Variants in NDST3 observed in about 807,000 individuals in gnomAD.
The protein encoded by NDST3 is bifunctional heparan sulfate N-deacetylase/N-sulfotransferase 3.
Under a neutral mutation model 96.1 loss-of-function variants are expected in NDST3, and 58 were observed. The ratio of observed to expected loss-of-function variants is 0.60; its 90% CI spans 0.49 to 0.75. The LOEUF (loss-of-function observed/expected upper bound fraction) is 0.75, where lower values mean the gene tolerates loss of function less well. Ranked by LOEUF, NDST3 falls within the 30% of genes least tolerant of loss-of-function variation. The pLI is 0.00. For synonymous variants in NDST3, 333 were observed against 359.7 expected, an observed-to-expected ratio of 0.93 and a Z score of 0.84; for missense variants, 788 against 1,034.2, an observed-to-expected ratio of 0.76 and a Z score of 3.27.
At chr4:118,190,215 G>C (rs1404664183) in intron 6 of NDST3, among the ~76,000 whole-genome samples, 1 of 151,784 alleles carries the variant, frequency 6.6e-6, no homozygotes, top group East Asian at 1.9e-4. Flanking sequence ...ATTTTGAACT[G>C]TTTTATATCA....
chr4:118,173,725 T>C (rs1463374452), intron 6 of NDST3, among the ~76,000 whole-genome samples: 1 of 152,194 alleles, frequency 6.6e-6, no homozygotes, highest in African/African-American at 2.4e-5. Flanking sequence ...GTATACAGTA[T>C]GTATATGTAT....
intron 6 of NDST3, among the ~76,000 whole-genome samples, chr4:118,166,108 GA>G (rs912103343): frequency 4.0e-5 from 6 of 151,522 alleles, no homozygotes; most frequent in African/African-American, 9.7e-5. Context: ...AAAAATAAGA[GA>G]AAAAATCAAT....
rs755061732 is a variant in NDST3 at position 118,206,579 on chromosome 4, A to G, written c.1540-17912A>G. Among the ~76,000 whole-genome samples, 5 of 144,864 alleles carry G rather than the reference A, an allele frequency of 3.5e-5. 1 individual carries two copies. The highest frequency in any genetic ancestry group is 1.3e-4 in the African/African-American group (5 of 39,230). ...CAAGGATTCTGAGCACCAGGTTAAGAAGTTTAATTTGATGGAAAATAGGAG... is the reference window on the plus strand; with the variant it reads ...CAAGGATTCTGAGCACCAGGTTAAGGAGTTTAATTTGATGGAAAATAGGAG... On this transcript the variant is annotated intron_variant, in intron 6 of 13. Coordinates refer to ENST00000296499, the MANE Select transcript of NDST3 (RefSeq NM_004784.3).
chr4:118,081,030 A>G (rs1727965371), intron 2 of NDST3, among the ~76,000 whole-genome samples: 1 of 152,188 alleles, frequency 6.6e-6, no homozygotes, highest in African/African-American at 2.4e-5. Flanking sequence ...CAAATCTCCC[A>G]TCTATATAAG....
At chr4:118,065,001 T>C (rs1293930854) in intron 2 of NDST3, among the ~76,000 whole-genome samples, 1 of 152,152 alleles carries the variant, frequency 6.6e-6, no homozygotes, top group Non-Finnish European at 1.5e-5. Flanking sequence ...GGTTCTCTGC[T>C]TTTAAGGATC....
intron 6 of NDST3, among the ~76,000 whole-genome samples, chr4:118,169,780 C>A (rs1178534641): frequency 7.2e-6 from 1 of 139,480 alleles, no homozygotes; most frequent in Non-Finnish European, 1.5e-5. Context: ...GGTGACAGAG[C>A]AAGACTCCAT....
rs575963923 is a variant in NDST3 at position 118,078,683 on chromosome 4, G to C, written c.981+23792G>C. Among the ~76,000 whole-genome samples, 11 of 151,810 alleles carry C rather than the reference G, an allele frequency of 7.2e-5. No homozygotes were observed. The South Asian group carries it at 1.9e-3, about 26-fold the overall frequency. The stretch of plus-strand genomic sequence containing the variant: ...AGAATCGTTTGAACCTGAGAGGCAG[G>C]GGTTGCAGTGAGCCAAGACTGCACC... On this transcript the variant is annotated intron_variant, in intron 2 of 13. Coordinates refer to ENST00000296499, the MANE Select transcript of NDST3 (RefSeq NM_004784.3).
intron 2 of NDST3, among the ~76,000 whole-genome samples, chr4:118,065,600 A>G (rs1224409946): frequency 6.6e-6 from 1 of 152,078 alleles, no homozygotes; most frequent in Non-Finnish European, 1.5e-5. Context: ...GGACTACCAC[A>G]TAGTCACCTA....
rs1203761774 is a variant in NDST3 at position 118,238,153 on chromosome 4, A to AG, written c.2118+934dup. Among the ~76,000 whole-genome samples, 677 of 73,294 alleles carry AG rather than the reference A, an allele frequency of 9.2e-3. 41 individuals are homozygous for AG. The highest frequency in any genetic ancestry group is 0.029 in the Middle Eastern group (3 of 104). 48.1% of individuals were successfully genotyped at this position (73,294 alleles called of 152,430 possible). On this transcript the variant is annotated intron_variant, in intron 10 of 13. Coordinates refer to ENST00000296499, the MANE Select transcript of NDST3 (RefSeq NM_004784.3). ...AGAGAGAGAGAGAGAGAGAAAAGAAAGAAAAGAAAGAAAGAAAGAAAGAAA... is the reference window on the plus strand; with the variant it reads ...AGAGAGAGAGAGAGAGAGAAAAGAAAGGAAAAGAAAGAAAGAAAGAAAGAAA...
intron 1 of NDST3, among the ~76,000 whole-genome samples, chr4:118,045,723 C>A (rs1011446613): frequency 6.6e-6 from 1 of 152,022 alleles, no homozygotes; most frequent in Non-Finnish European, 1.5e-5. Context: ...GGTACAGAGG[C>A]CCAAATGACA....
chr4:118,140,007 C>T (rs142408952), intron 5 of NDST3, among the ~76,000 whole-genome samples: 1 of 152,144 alleles, frequency 6.6e-6, no homozygotes. Context: ...TTTATCCTGG[C>T]CTTCCTAACC....
At chr4:118,100,328 C>G (rs949508227) in intron 2 of NDST3, among the ~76,000 whole-genome samples, 1 of 151,964 alleles carries the variant, frequency 6.6e-6, no homozygotes, top group Non-Finnish European at 1.5e-5. Context: ...CATCACCCAC[C>G]ACCACCACCA....
At chr4:118,070,373 G>A (rs1726955667) in intron 2 of NDST3, among the ~76,000 whole-genome samples, 1 of 152,060 alleles carries the variant, frequency 6.6e-6, no homozygotes, top group Non-Finnish European at 1.5e-5. Flanking sequence ...AACAGCCCCA[G>A]TGAATGCATG....
chr4:118,140,253 T>A (rs1044673379), intron 5 of NDST3, among the ~76,000 whole-genome samples: 2 of 152,172 alleles, frequency 1.3e-5, no homozygotes, highest in African/African-American at 4.8e-5. Context: ...TCAAATCCCA[T>A]ATCTTAAATA....
rs1199649487 is a variant in NDST3, at chr4:118,224,571, T to G, written c.1620T>G (p.Phe540Leu). 5.0e-6 allele frequency: 8 copies of G among 1,613,312 alleles called. No homozygotes were observed. The highest frequency in any genetic ancestry group is 6.8e-6 in the Non-Finnish European group (8 of 1,179,486). Residue 540 changes from phenylalanine to leucine, a missense_variant, in exon 7 of 14, where the codon TTT (phenylalanine) becomes TTG (leucine). Physicochemically the swap from Phe to Leu is conservative, Grantham distance 22 (BLOSUM62 0). This residue lies in a region of NDST3 where 490 missense variants were observed against 708.8 expected (regional missense o/e 0.69). Transcript: ENST00000296499. The part of the protein sequence containing the change: ...GLYTFVNLAN[F>L]VKSWTNLRLQ... ...ATACATTTGTTAATCTGGCCAACTT[T>G]GTGAAGAGCTGGACCAACCTGCGAC...
At chr4:118,123,054 C>T (rs973562208) in intron 4 of NDST3, among the ~76,000 whole-genome samples, 12 of 152,140 alleles carry the variant, frequency 7.9e-5, no homozygotes, top group African/African-American at 2.9e-4. Flanking sequence ...AATGTTATTA[C>T]TTCTTTAAGG....
chr4:118,119,070 T>A, intron 4 of NDST3, among the ~76,000 whole-genome samples: 1 of 152,190 alleles, frequency 6.6e-6, no homozygotes, highest in East Asian at 1.9e-4. Flanking sequence ...GTAGTAGTAG[T>A]AGAACAATGT....
intron 6 of NDST3, among the ~76,000 whole-genome samples, chr4:118,180,091 G>T (rs948747843): frequency 3.3e-5 from 5 of 151,884 alleles, no homozygotes; most frequent in African/African-American, 1.2e-4. Context: ...AAAGAAATAG[G>T]GTTTGTTTGT....
intron 6 of NDST3, among the ~76,000 whole-genome samples, chr4:118,220,503 G>T (rs556039736): frequency 6.6e-6 from 1 of 151,850 alleles, no homozygotes; most frequent in African/African-American, 2.4e-5. Context: ...TAATGTATAT[G>T]GGGCTTAAAA....
Sources: gnomAD v4.1 joint callset for allele counts (sites outside exome capture counted in the v4.1 genomes callset) on GRCh38, gnomAD v4.1.1 for gene constraint, gnomAD v4.1.1 regional missense constraint, MANE v1.5 for transcripts, NCBI Gene and HGNC (gene_info 2026-07-23, HGNC 2026-07-21) for gene names.